RGS6: variants seen among roughly 807,000 people sequenced by gnomAD.
RGS6 encodes regulator of G protein signaling 6, also known as regulator of G-protein signaling 6.
RGS6 carries 30 observed loss-of-function variants against 78.5 expected under a neutral mutation model. The observed-to-expected ratio is 0.38, with a 90% CI of 0.29 to 0.52. RGS6 has a LOEUF of 0.52. RGS6 is among the 20% of genes least tolerant of loss of function. RGS6 has a pLI of 0.85. For synonymous variants in RGS6, 206 were observed against 206.0 expected (o/e 1.00, Z 0.00); for missense variants, 495 against 609.7 (o/e 0.81, Z 1.98).
chr14:72,310,960 G>T (rs772136935), intron 2 of RGS6, among the ~76,000 whole-genome samples: 31 of 152,158 alleles, frequency 2.0e-4, no homozygotes, highest in Non-Finnish European at 3.8e-4. Context: ...ATTAAAACAG[G>T]TATTCATCTT....
intron 2 of RGS6, among the ~76,000 whole-genome samples, chr14:72,273,970 A>G (rs967459705): frequency 1.3e-5 from 2 of 152,174 alleles, no homozygotes; most frequent in Non-Finnish European, 2.9e-5. Context: ...AGTGATTTAG[A>G]ACCATTTGTT....
chr14:72,593,228 A>C, the RGS6 span, among the ~76,000 whole-genome samples: 1 of 152,210 alleles, frequency 6.6e-6, no homozygotes, highest in Admixed American at 6.5e-5. Context: ...AGATCTGTGC[A>C]TCTTAGCTGA....
chr14:72,176,807 G>A (rs529728198), intron 2 of RGS6, among the ~76,000 whole-genome samples: 5 of 152,184 alleles, frequency 3.3e-5, no homozygotes, highest in South Asian at 2.1e-4. Context: ...TTACACATAC[G>A]CACATGTGCA....
downstream of RGS6, among the ~76,000 whole-genome samples, chr14:72,569,540 C>T (rs189241520): frequency 5.9e-5 from 9 of 152,180 alleles, no homozygotes; most frequent in South Asian, 2.1e-4. Context: ...ATTAGCTCGG[C>T]GTGGTGGCAG....
the RGS6 span, among the ~76,000 whole-genome samples, chr14:71,915,102 A>C: frequency 2.6e-5 from 4 of 151,756 alleles, no homozygotes; most frequent in Non-Finnish European, 5.9e-5. Context: ...AACAAAAAAA[A>C]AAAAAATTAG....
At chr14:72,255,341 G>A (rs2056845562) in intron 2 of RGS6, among the ~76,000 whole-genome samples, 1 of 152,160 alleles carries the variant, frequency 6.6e-6, no homozygotes, top group South Asian at 2.1e-4. Context: ...GACTCCTCAA[G>A]AAGGGGAACT....
At chr14:72,388,233 A>G (rs570643291) in intron 3 of RGS6, among the ~76,000 whole-genome samples, 5 of 151,966 alleles carry the variant, frequency 3.3e-5, no homozygotes, top group African/African-American at 1.2e-4. Flanking sequence ...CATATGGGAA[A>G]ACACACACAC....
intron 2 of RGS6, among the ~76,000 whole-genome samples, chr14:72,014,416 A>G (rs1441308728): frequency 6.6e-6 from 1 of 152,224 alleles, no homozygotes; most frequent in Non-Finnish European, 1.5e-5. Flanking sequence ...CATGTGGCAC[A>G]TTCTTGTGAA....
intron 2 of RGS6, among the ~76,000 whole-genome samples, chr14:72,304,676 C>T (rs1204381429): frequency 6.6e-6 from 1 of 151,980 alleles, no homozygotes; most frequent in Non-Finnish European, 1.5e-5. Context: ...GTCAGGAGTT[C>T]GAGACCAGCC....
the RGS6 span, among the ~76,000 whole-genome samples, chr14:72,622,239 A>G: frequency 6.6e-6 from 1 of 152,220 alleles, no homozygotes; most frequent in Admixed American, 6.5e-5. Context: ...TTTACTGAGA[A>G]GAAGGCCAAG....
At chr14:71,936,018 A>ATATATATATATATATATG (rs2089154559) in intron 1 of RGS6, among the ~76,000 whole-genome samples, 1 of 118,564 alleles carries the variant, frequency 8.4e-6, no homozygotes, top group Admixed American at 8.5e-5. Flanking sequence ...CTAATAGGAT[A>ATATATATATATATATATG]TATATATATA....
chr14:72,007,682 G>T (rs1027792099), intron 2 of RGS6, among the ~76,000 whole-genome samples: 1 of 152,086 alleles, frequency 6.6e-6, no homozygotes, highest in Non-Finnish European at 1.5e-5. Flanking sequence ...ACCCTTGGAC[G>T]AAGGGCTTGC....
chr14:72,590,144 G>A, the RGS6 span, among the ~76,000 whole-genome samples: 29 of 152,298 alleles, frequency 1.9e-4, no homozygotes, highest in African/African-American at 5.3e-4. Context: ...AATACCAAGC[G>A]TTGCAAAGAT....
the RGS6 span, among the ~76,000 whole-genome samples, chr14:72,584,814 A>T: frequency 6.6e-6 from 1 of 152,204 alleles, no homozygotes; most frequent in African/African-American, 2.4e-5. Context: ...TGGATCATGG[A>T]GTCAGGTAGG....
At chr14:72,173,427 A>C (rs1260979545) in intron 2 of RGS6, among the ~76,000 whole-genome samples, 1 of 152,174 alleles carries the variant, frequency 6.6e-6, no homozygotes. Flanking sequence ...ATGAGAGCCT[A>C]TGCTGTGGCC....
At chr14:72,197,785 C>T (rs1476278163) in intron 2 of RGS6, among the ~76,000 whole-genome samples, 1 of 152,032 alleles carries the variant, frequency 6.6e-6, no homozygotes, top group Non-Finnish European at 1.5e-5. Context: ...GGGTCACGCC[C>T]ACCAGAATCC....
intron 17 of RGS6, among the ~76,000 whole-genome samples, chr14:72,561,054 C>T (rs1049430164): frequency 6.6e-6 from 1 of 152,130 alleles, no homozygotes; most frequent in South Asian, 2.1e-4. Flanking sequence ...AAGCCAGATG[C>T]CACATTGTCC....
chr14:72,421,268 G>A (rs991636909), intron 3 of RGS6: 2 of 152,404 alleles, frequency 1.3e-5, no homozygotes, highest in Admixed American at 6.6e-5. Context: ...GGGATGGGGT[G>A]ATGAGCCATA....
At chr14:71,934,990 G>C (rs1333093497) in intron 1 of RGS6, among the ~76,000 whole-genome samples, 1 of 152,128 alleles carries the variant, frequency 6.6e-6, no homozygotes, top group East Asian at 1.9e-4. Flanking sequence ...TTTTCCTTTA[G>C]CTTTGCAGTT....
Sources: allele counts gnomAD v4.1 joint callset (sites outside exome capture counted in the v4.1 genomes callset), GRCh38; gene constraint gnomAD v4.1.1; transcripts MANE v1.5; gene names NCBI Gene and HGNC (gene_info 2026-07-23, HGNC 2026-07-21).